The following CYFIP1 variants were observed in gnomAD, a reference collection of about 807,000 sequenced individuals.
The protein encoded by CYFIP1 is cytoplasmic FMR1-interacting protein 1.
Under a neutral mutation model 163.5 loss-of-function variants are expected in CYFIP1, and 58 were observed. That is an observed-to-expected ratio of 0.35 (90% CI 0.29 to 0.44). The LOEUF (loss-of-function observed/expected upper bound fraction) is 0.44. CYFIP1 is among the 20% of genes least tolerant of loss of function. The pLI is 1.00. For synonymous variants in CYFIP1, 663 were observed against 660.7 expected (o/e 1.00, Z -0.05); for missense variants, 1,338 against 1,653.8 (o/e 0.81, Z 3.31).
intron 26 of CYFIP1, 35 bp from the exon 27 acceptor site, chr15:22,875,306 G>C (rs560199907): frequency 6.3e-7 from 1 of 1,592,592 alleles, no homozygotes; most frequent in South Asian, 1.1e-5. Flanking sequence ...AGCTAGGAAG[G>C]GTATCTCGCC....
chr15:22,964,688 G>C (rs1182433463), intron 1 of CYFIP1, among the ~76,000 whole-genome samples: 1 of 152,176 alleles, frequency 6.6e-6, no homozygotes, highest in African/African-American at 2.4e-5. Flanking sequence ...TCAGCCGCTT[G>C]CACTTCGTGA....
chr15:22,967,463 G>A (rs2062950486), intron 1 of CYFIP1, among the ~76,000 whole-genome samples: 1 of 152,174 alleles, frequency 6.6e-6, no homozygotes, highest in Admixed American at 6.5e-5. Context: ...CATATGTGAA[G>A]AGGAAGAACT....
At chr15:22,876,071 C>G (rs1049615564) in intron 26 of CYFIP1, among the ~76,000 whole-genome samples, 1 of 151,708 alleles carries the variant, frequency 6.6e-6, no homozygotes, top group Non-Finnish European at 1.5e-5. Flanking sequence ...ACGGAGCAGG[C>G]AGAAGGTGAT....
chr15:22,902,159 G>C (rs1047923542), intron 22 of CYFIP1, among the ~76,000 whole-genome samples: 1 of 152,218 alleles, frequency 6.6e-6, no homozygotes, highest in East Asian at 1.9e-4. Flanking sequence ...CCTGTGTCCA[G>C]GGTCCCCCAT....
At position 22,901,774 on chromosome 15, in the gene CYFIP1, G is replaced by C. The variant is rs2060401791; in HGVS notation, c.2588+1932C>G. Among the ~76,000 whole-genome samples the C allele has an allele frequency of 2.6e-5, 4 of 152,302 alleles. No individual in the cohort carries two copies. In the Middle Eastern group the frequency reaches 0.014, roughly 518 times the overall value. ...ATGGGACTAAAATTCCGGGTAGCAT[G>C]GTTTATGTGTCTTCTCAGGATTCGA... On this transcript the variant is annotated intron_variant, in intron 22 of 30. Transcript: ENST00000617928.
chr15:22,920,379 A>G (rs983813646), intron 13 of CYFIP1, among the ~76,000 whole-genome samples: 6 of 152,062 alleles, frequency 3.9e-5, no homozygotes, highest in Non-Finnish European at 7.4e-5. Flanking sequence ...TTCACTTAGC[A>G]AGAACACAAA....
chr15:22,883,816 C>CAAAAAA (rs34623284), intron 23 of CYFIP1, among the ~76,000 whole-genome samples: 1 of 74,916 alleles, frequency 1.3e-5, no homozygotes, highest in African/African-American at 4.7e-5. Flanking sequence ...GACTTCATCT[C>CAAAAAA]AAAAAAAAAA....
At chr15:22,933,964 C>T (rs2061619857) in intron 9 of CYFIP1, 71 bp from the exon 10 acceptor site, 2 of 1,038,346 alleles carry the variant, frequency 1.9e-6, no homozygotes, top group East Asian at 2.4e-5. Flanking sequence ...CACAAGGAAA[C>T]TGACTAATGC....
At chr15:22,881,475 C>T (rs531008526) in intron 25 of CYFIP1, among the ~76,000 whole-genome samples, 18 of 152,112 alleles carry the variant, frequency 1.2e-4, no homozygotes, top group Admixed American at 3.9e-4. Context: ...ATGGATGGGA[C>T]GGCCTGGGGG....
rs957861262 is a variant in CYFIP1, at chr15:22,872,732, T to A, written c.3597+93A>T. On this transcript the variant is annotated intron_variant, in intron 30 of 30. Transcript: ENST00000617928. ...GTTGGTGGCACCTTACGTACTAGGA[T>A]GAAAAACATTGCCAGAAACAAGAAC... 7 of 1,352,804 alleles carry A rather than the reference T, an allele frequency of 5.2e-6. No individual in the cohort carries two copies. The South Asian group carries it at 9.3e-5, about 18-fold the overall frequency. The allele number at this position is 1,352,804 out of a possible 1,614,324, so 83.8% of individuals were successfully genotyped here.
chr15:22,899,162 TTC>T (rs904192096), intron 22 of CYFIP1, among the ~76,000 whole-genome samples: 1 of 152,042 alleles, frequency 6.6e-6, no homozygotes, highest in Non-Finnish European at 1.5e-5. Context: ...TGAAACTACT[TTC>T]TGTGTTTTTT....
intron 29 of CYFIP1, 75 bp from the exon 30 acceptor site, chr15:22,873,047 T>C (rs997717527): frequency 1.3e-5 from 20 of 1,530,454 alleles, no homozygotes; most frequent in Middle Eastern, 1.7e-4. Context: ...TGTCTCCAGA[T>C]GTCAGTGACC....
At chr15:22,932,427 A>G in intron 10 of CYFIP1, 87 bp from the exon 11 acceptor site, 1 of 793,922 alleles carries the variant, frequency 1.3e-6, no homozygotes. Context: ...GTTTGGCACC[A>G]GAGCCACACA....
chr15:22,898,783 T>C lies in CYFIP1; in HGVS notation c.2588+4923A>G, dbSNP rs2060308279. Among the ~76,000 whole-genome samples, 4 of 151,968 alleles carry C rather than the reference T, an allele frequency of 2.6e-5. No individual in the cohort carries two copies. In the Middle Eastern group the frequency reaches 0.014, roughly 517 times the overall value. The stretch of plus-strand genomic sequence containing the variant: ...CTTTGGGAGGCTGAGGTGGGCGGAT[T>C]ATGAGGTCAGGAGATCAAGACCATC... On this transcript the variant is annotated intron_variant, in intron 22 of 30. Transcript: ENST00000617928.
At position 22,868,451 on chromosome 15, in the gene CYFIP1, A is replaced by G. The variant is rs2059302655; in HGVS notation, c.*1577T>C. The G allele has an allele frequency of 6.6e-6, 1 of 151,814 alleles. No individual in the cohort carries two copies. Among genetic ancestry groups the G allele is most frequent in the South Asian group, 2.1e-4 (1 of 4,834 alleles). 9.4% of individuals were successfully genotyped at this position (151,814 alleles called of 1,614,324 possible). A position where few individuals can be genotyped will look rare whatever the true frequency, so the allele number is the denominator to read the frequency against. On this transcript the variant is annotated 3_prime_UTR_variant, in exon 31 of 31. Coordinates refer to ENST00000617928, the MANE Select transcript of CYFIP1 (RefSeq NM_014608.6). ...TATTTGGTATATAATTAAGCCTTAT[A>G]AAACTTGGTAATTGATTAAGTTTTA... is the stretch of plus-strand genomic sequence containing the variant.
At chr15:22,972,432 G>A (rs1053641441) in intron 1 of CYFIP1, among the ~76,000 whole-genome samples, 5 of 152,218 alleles carry the variant, frequency 3.3e-5, no homozygotes, top group South Asian at 2.1e-4. Context: ...GTGAGACTCC[G>A]TCTCAAAAAC....
chr15:22,956,854 T>C (rs527245258), intron 1 of CYFIP1, among the ~76,000 whole-genome samples: 3 of 152,350 alleles, frequency 2.0e-5, no homozygotes, highest in African/African-American at 7.2e-5. Context: ...AGCCAGCCCC[T>C]GGCCACGGAG....
chr15:22,896,479 T>C (rs1019196483), intron 22 of CYFIP1, among the ~76,000 whole-genome samples: 1 of 152,156 alleles, frequency 6.6e-6, no homozygotes, highest in Admixed American at 6.5e-5. Flanking sequence ...ATCGCTGATG[T>C]TTGTCTCAGT....
chr15:22,899,016 T>A lies in CYFIP1; in HGVS notation c.2588+4690A>T, dbSNP rs554894079. On this transcript the variant is annotated intron_variant, in intron 22 of 30. Coordinates refer to ENST00000617928, the MANE Select transcript of CYFIP1 (RefSeq NM_014608.6). ...GACTCTGTCTAAAAAAAAAAAAAAA[T>A]TTGTAGAGACGAGGTCTCCTTATGT... 7.3e-5 allele frequency among the ~76,000 whole-genome samples: 11 copies of A among 150,960 alleles called. No homozygotes were observed. The East Asian group carries it at 1.6e-3, about 21-fold the overall frequency.
Sources: allele counts gnomAD v4.1 joint callset (sites outside exome capture counted in the v4.1 genomes callset), GRCh38; gene constraint gnomAD v4.1.1; transcripts MANE v1.5; gene names NCBI Gene and HGNC (gene_info 2026-07-23, HGNC 2026-07-21).